TCERG1L: variants seen among roughly 807,000 people sequenced by gnomAD.
TCERG1L encodes transcription elongation regulator 1-like protein.
TCERG1L carries 37 observed loss-of-function variants against 56.3 expected under a neutral mutation model. The observed-to-expected ratio is 0.66, with a 90% CI of 0.51 to 0.87. The LOEUF is 0.87. Ranked by LOEUF, TCERG1L falls within the 40% of genes least tolerant of loss-of-function variation. The pLI, the probability that TCERG1L is intolerant of heterozygous loss-of-function variation, is 0.00. For missense variants in TCERG1L, 799 were observed against 774.2 expected, an observed-to-expected ratio of 1.03 and a Z score of -0.38; for synonymous variants, 324 against 326.3, an observed-to-expected ratio of 0.99 and a Z score of 0.08.
At chr10:131,218,067 G>C (rs923590834) in intron 4 of TCERG1L, among the ~76,000 whole-genome samples, 14 of 152,218 alleles carry the variant, frequency 9.2e-5, no homozygotes, top group Admixed American at 7.8e-4. Context: ...CCTGCCACGA[G>C]AGCAGGAGCC....
intron 9 of TCERG1L, among the ~76,000 whole-genome samples, chr10:131,116,122 G>A (rs558540322): frequency 6.6e-6 from 1 of 152,304 alleles, no homozygotes; most frequent in East Asian, 1.9e-4. Flanking sequence ...ACTGCCTCTG[G>A]CTCATTTTAT....
At chr10:131,254,442 C>T (rs561952002) in intron 4 of TCERG1L, among the ~76,000 whole-genome samples, 48 of 152,172 alleles carry the variant, frequency 3.2e-4, no homozygotes, top group African/African-American at 1.1e-3. Flanking sequence ...CCGCAGCCTC[C>T]GGGGTAACTG....
At chr10:131,281,419 T>A (rs865844658) in intron 3 of TCERG1L, among the ~76,000 whole-genome samples, 6 of 151,178 alleles carry the variant, frequency 4.0e-5, no homozygotes, top group African/African-American at 1.5e-4. Flanking sequence ...AAAAAAAAAA[T>A]CCATTGCAGT....
chr10:131,218,536 C>T (rs1845697974), intron 4 of TCERG1L, among the ~76,000 whole-genome samples: 1 of 152,082 alleles, frequency 6.6e-6, no homozygotes, highest in Non-Finnish European at 1.5e-5. Flanking sequence ...TCTTGTTGCC[C>T]AGGCTGGAGT....
At chr10:131,283,205 C>T (rs1401105180) in intron 3 of TCERG1L, among the ~76,000 whole-genome samples, 1 of 152,186 alleles carries the variant, frequency 6.6e-6, no homozygotes, top group Admixed American at 6.5e-5. Context: ...TGCATTGGTA[C>T]AGTTGCCAAA....
chr10:131,279,933 G>C (rs1044234899), intron 3 of TCERG1L, among the ~76,000 whole-genome samples: 1 of 152,152 alleles, frequency 6.6e-6, no homozygotes, highest in Non-Finnish European at 1.5e-5. Flanking sequence ...AGTGACAGGT[G>C]AGAGTTTCTC....
intron 3 of TCERG1L, among the ~76,000 whole-genome samples, chr10:131,306,077 G>A (rs938599048): frequency 2.6e-5 from 4 of 152,076 alleles, no homozygotes; most frequent in South Asian, 2.1e-4. Context: ...AAATTAAAAC[G>A]ATTTACCTCA....
Position 131,266,328 on chromosome 10 carries a change from T to G in TCERG1L, c.671-5884A>C, listed in dbSNP as rs529439470. Among the ~76,000 whole-genome samples the G allele has an allele frequency of 6.6e-5, 10 of 152,298 alleles. No homozygotes were observed. The East Asian group carries it at 1.9e-3, about 29-fold the overall frequency. On this transcript the variant is annotated intron_variant, in intron 3 of 11. Transcript: ENST00000368642. ...GAGTTGAAATCAGCTTCTTTCAAACTCCTGTTAATGTTGATATTTTGTCCT... is the reference window on the plus strand; with the variant it reads ...GAGTTGAAATCAGCTTCTTTCAAACGCCTGTTAATGTTGATATTTTGTCCT...
intron 7 of TCERG1L, among the ~76,000 whole-genome samples, chr10:131,141,811 G>A (rs1180576914): frequency 2.6e-5 from 4 of 152,142 alleles, no homozygotes; most frequent in Non-Finnish European, 5.9e-5. Context: ...GTGCATCCAG[G>A]AGCCTGGCTC....
intron 3 of TCERG1L, among the ~76,000 whole-genome samples, chr10:131,270,683 T>TGATA (rs1846331021): frequency 6.6e-6 from 1 of 152,248 alleles, no homozygotes; most frequent in Non-Finnish European, 1.5e-5. Flanking sequence ...CTTCTCTGAT[T>TGATA]ATCAAACTTG....
intron 7 of TCERG1L, among the ~76,000 whole-genome samples, chr10:131,144,049 C>T (rs1845768899): frequency 6.6e-6 from 1 of 151,506 alleles, no homozygotes; most frequent in Non-Finnish European, 1.5e-5. Context: ...TCTCCTATCC[C>T]CACTGAAGAC....
rs71009957 is a variant in TCERG1L at position 131,291,401 on chromosome 10, CTTTTTTTTTTTTTTTTTTTTTTTTTTTT to C, written c.670+16782_670+16809del. Among the ~76,000 whole-genome samples the C allele has an allele frequency of 1.6e-4, 6 of 36,566 alleles. No individual in the cohort carries two copies. In the East Asian group the frequency reaches 3.3e-3, roughly 20 times the overall value. 24.0% of individuals were successfully genotyped at this position (36,566 alleles called of 152,430 possible). On this transcript the variant is annotated intron_variant, in intron 3 of 11. Coordinates refer to ENST00000368642, the MANE Select transcript of TCERG1L (RefSeq NM_174937.4). ...TGTGTATATTCCATAAACAGCATTT[CTTTTTTTTTTTTTTTTTTTTTTTTTTTT>C]TTTTTTTTTTTTTTTGAGACGGAGT...
rs1246582042 is a variant in TCERG1L, at chr10:131,232,714, C to T, written c.856+27545G>A. 2.6e-5 allele frequency among the ~76,000 whole-genome samples: 4 copies of T among 152,222 alleles called. No individual in the cohort carries two copies. The East Asian group carries it at 7.7e-4, about 29-fold the overall frequency. On this transcript the variant is annotated intron_variant, in intron 4 of 11. Coordinates refer to ENST00000368642, the MANE Select transcript of TCERG1L (RefSeq NM_174937.4). ...GGGATTGAGAGCCCTTTCCCAAAAG[C>T]TGCTAAAATGGGCACAAAACCCTCC...
intron 3 of TCERG1L, among the ~76,000 whole-genome samples, chr10:131,272,614 G>A (rs1846351875): frequency 6.6e-6 from 1 of 152,150 alleles, no homozygotes; most frequent in Non-Finnish European, 1.5e-5. Flanking sequence ...AAGTGTCTGT[G>A]TGGAGCCTCA....
At chr10:131,205,743 G>A (rs1012223068) in intron 4 of TCERG1L, among the ~76,000 whole-genome samples, 2 of 152,228 alleles carry the variant, frequency 1.3e-5, no homozygotes, top group Admixed American at 1.3e-4. Flanking sequence ...ACCTGGTCTT[G>A]GAGGCTCAGC....
At chr10:131,170,434 C>T (rs145903314) in intron 4 of TCERG1L, among the ~76,000 whole-genome samples, 2 of 152,074 alleles carry the variant, frequency 1.3e-5, no homozygotes, top group Non-Finnish European at 2.9e-5. Flanking sequence ...CAATGTATTT[C>T]CGCCCTCCGA....
At chr10:131,279,261 G>C (rs113910332) in intron 3 of TCERG1L, among the ~76,000 whole-genome samples, 10 of 152,328 alleles carry the variant, frequency 6.6e-5, no homozygotes, top group African/African-American at 7.2e-5. Context: ...CGAAGGGACA[G>C]AGGAAAGGTG....
At chr10:131,170,230 G>T (rs2133439810) in intron 4 of TCERG1L, among the ~76,000 whole-genome samples, 1 of 152,220 alleles carries the variant, frequency 6.6e-6, no homozygotes, top group Middle Eastern at 3.4e-3. Flanking sequence ...CCGTGGAAGT[G>T]CTTATTCTAC....
At chr10:131,176,557 C>T (rs1846153151) in intron 4 of TCERG1L, among the ~76,000 whole-genome samples, 1 of 1,590 alleles carries the variant, frequency 6.3e-4, no homozygotes, top group East Asian at 0.015. Context: ...GAGATAGGCA[C>T]ATACAAAGAG....
Sources: gnomAD v4.1 joint callset for allele counts (sites outside exome capture counted in the v4.1 genomes callset) on GRCh38, gnomAD v4.1.1 for gene constraint, MANE v1.5 for transcripts, NCBI Gene and HGNC (gene_info 2026-07-23, HGNC 2026-07-21) for gene names.